Variants in PTPRD observed in about 807,000 individuals in gnomAD.
PTPRD encodes the protein receptor-type tyrosine-protein phosphatase delta.
A neutral mutation model predicts 214.5 loss-of-function variants in PTPRD; 34 were observed. The ratio of observed to expected loss-of-function variants is 0.16; its 90% confidence interval spans 0.12 to 0.21. PTPRD has a LOEUF of 0.21. Ranked by LOEUF, PTPRD falls within the 10% of genes least tolerant of loss-of-function variation. The pLI, the probability that PTPRD is intolerant of heterozygous loss-of-function variation, is 1.00. For missense variants in PTPRD, 2,545 were observed against 2,398.7 expected (o/e 1.06, Z -1.27); for synonymous variants, 1,128 against 845.7 (o/e 1.33, Z -5.79).
intron 2 of PTPRD, among the ~76,000 whole-genome samples, chr9:10,444,179 T>A (rs1424610840): frequency 3.3e-5 from 5 of 151,792 alleles, no homozygotes; most frequent in Admixed American, 6.6e-5. Context: ...GGTGACTGTA[T>A]CACCTATTCT....
chr9:9,855,918 C>T (rs767070641), intron 5 of PTPRD, among the ~76,000 whole-genome samples: 9 of 152,150 alleles, frequency 5.9e-5, no homozygotes, highest in Non-Finnish European at 1.2e-4. Context: ...TGCTCTCTAC[C>T]GGTGAGGGTA....
At chr9:9,812,643 T>C (rs182073240) in intron 5 of PTPRD, among the ~76,000 whole-genome samples, 34 of 152,256 alleles carry the variant, frequency 2.2e-4, no homozygotes, top group African/African-American at 7.9e-4. Flanking sequence ...ATGTACTCTA[T>C]ATTGGAGCAC....
At chr9:9,833,092 A>T (rs2055463261) in intron 5 of PTPRD, among the ~76,000 whole-genome samples, 2 of 151,102 alleles carry the variant, frequency 1.3e-5, no homozygotes, top group African/African-American at 4.9e-5. Context: ...TAATGAAGAG[A>T]AGGGGCAAGG....
At chr9:9,463,261 G>A (rs2093828893) in intron 8 of PTPRD, among the ~76,000 whole-genome samples, 1 of 152,166 alleles carries the variant, frequency 6.6e-6, no homozygotes, top group Non-Finnish European at 1.5e-5. Flanking sequence ...AATCCTTGAA[G>A]TTTAAATTTG....
chr9:10,046,813 G>C (rs291263), intron 3 of PTPRD, among the ~76,000 whole-genome samples: 58,356 of 151,620 alleles, frequency 0.38, 11,618 homozygotes, highest in African/African-American at 0.49. Flanking sequence ...GTTAGTTTAG[G>C]CAAATGCCTT....
chr9:9,567,115 A>T (rs1443445284), intron 8 of PTPRD, among the ~76,000 whole-genome samples: 3 of 152,074 alleles, frequency 2.0e-5, no homozygotes, highest in Non-Finnish European at 2.9e-5. Context: ...TCACCTGAAG[A>T]TTCATGAAAT....
In PTPRD at chr9:9,056,605, G is replaced by A. The variant is rs116314712; in HGVS notation, c.-142-37870C>T. ...CATTTTAATCTCATAAGAAAAGAGT[G>A]GTTTAAGACTTCCTAGGACCATTTC... On this transcript the variant is annotated intron_variant, in intron 10 of 45. Transcript: ENST00000381196. 2.1e-3 allele frequency among the ~76,000 whole-genome samples: 326 copies of A among 152,288 alleles called. 1 individual carries two copies. The highest frequency in any genetic ancestry group is 7.3e-3 in the African/African-American group (304 of 41,566).
chr9:8,841,207 C>G (rs765529151), intron 11 of PTPRD, among the ~76,000 whole-genome samples: 2 of 152,136 alleles, frequency 1.3e-5, no homozygotes, highest in African/African-American at 2.4e-5. Flanking sequence ...ACCAATGGAG[C>G]TGGTATACAT....
At chr9:10,371,709 C>T (rs2097624461) in intron 2 of PTPRD, among the ~76,000 whole-genome samples, 1 of 152,012 alleles carries the variant, frequency 6.6e-6, no homozygotes, top group Non-Finnish European at 1.5e-5. Flanking sequence ...AGTAAATGTG[C>T]ACATTTGGAA....
chr9:8,392,396 C>T (rs2089905342), intron 36 of PTPRD, among the ~76,000 whole-genome samples: 1 of 151,930 alleles, frequency 6.6e-6, no homozygotes, highest in African/African-American at 2.4e-5. Context: ...TATGGTCATG[C>T]ACGCCTGTAG....
intron 2 of PTPRD, among the ~76,000 whole-genome samples, chr9:10,487,078 TA>T (rs770207319): frequency 6.6e-5 from 10 of 152,204 alleles, no homozygotes; most frequent in Non-Finnish European, 1.3e-4. Context: ...TCTCTTTTTA[TA>T]GTTTGTCTTG....
intron 4 of PTPRD, among the ~76,000 whole-genome samples, chr9:9,993,772 T>G (rs111469520): frequency 0.15 from 9,134 of 59,146 alleles, 381 homozygotes; most frequent in Middle Eastern, 0.28. Flanking sequence ...ATCTGTGATT[T>G]TTTGCAATTT....
intron 11 of PTPRD, among the ~76,000 whole-genome samples, chr9:8,907,082 T>C (rs1352278271): frequency 1.3e-5 from 2 of 152,074 alleles, no homozygotes; most frequent in East Asian, 3.9e-4. Context: ...TCATCAGGCA[T>C]GCTAGCAACT....
At chr9:9,426,617 G>A (rs761566081) in intron 8 of PTPRD, among the ~76,000 whole-genome samples, 3 of 152,170 alleles carry the variant, frequency 2.0e-5, no homozygotes, top group Non-Finnish European at 4.4e-5. Context: ...CCTCAAGTGG[G>A]ACCCTGACCC....
intron 3 of PTPRD, among the ~76,000 whole-genome samples, chr9:10,191,961 G>A (rs1178854790): frequency 6.6e-6 from 1 of 152,132 alleles, no homozygotes; most frequent in African/African-American, 2.4e-5. Context: ...GCTGATGATG[G>A]TGGTTAGCAA....
chr9:8,921,590 T>C (rs1370021679), intron 11 of PTPRD, among the ~76,000 whole-genome samples: 1 of 152,012 alleles, frequency 6.6e-6, no homozygotes, highest in African/African-American at 2.4e-5. Flanking sequence ...GCCTCCCTGG[T>C]TAAAGTGATT....
chr9:8,896,077 A>G (rs2098607852), intron 11 of PTPRD, among the ~76,000 whole-genome samples: 1 of 152,178 alleles, frequency 6.6e-6, no homozygotes, highest in Admixed American at 6.5e-5. Flanking sequence ...CCAACTCCAC[A>G]CATCAGAGTG....
intron 14 of PTPRD, among the ~76,000 whole-genome samples, chr9:8,622,405 T>C (rs1046074097): frequency 6.6e-6 from 1 of 151,998 alleles, no homozygotes; most frequent in African/African-American, 2.4e-5. Context: ...TGATGGAATA[T>C]TCAAGGAGAC....
At chr9:10,067,007 G>C (rs775314818) in intron 3 of PTPRD, among the ~76,000 whole-genome samples, 1 of 151,656 alleles carries the variant, frequency 6.6e-6, no homozygotes, top group African/African-American at 2.4e-5. Flanking sequence ...GTTCTCTAGA[G>C]TGCATTCCTC....
Sources: gnomAD v4.1 joint callset for allele counts (sites outside exome capture counted in the v4.1 genomes callset) on GRCh38, gnomAD v4.1.1 for gene constraint, MANE v1.5 for transcripts, NCBI Gene and HGNC (gene_info 2026-07-23, HGNC 2026-07-21) for gene names.